The following KLKB1 variants were observed in gnomAD, a reference collection of about 807,000 sequenced individuals.
KLKB1 encodes kallikrein B1, also known as plasma kallikrein.
KLKB1 carries 58 observed loss-of-function variants against 73.6 expected under a neutral mutation model. The observed-to-expected ratio is 0.79, with a 90% confidence interval of 0.64 to 0.98. The LOEUF (loss-of-function observed/expected upper bound fraction) is 0.98, where lower values mean the gene tolerates loss of function less well. Among genes scored for constraint, KLKB1 ranks in the 50% least tolerant of loss-of-function variants. The pLI is 0.00. For synonymous variants in KLKB1, 280 were observed against 258.1 expected (o/e 1.08, Z -0.81); for missense variants, 737 against 763.8 (o/e 0.96, Z 0.41).
chr4:186,232,863 G>T, intron 3 of KLKB1, among the ~76,000 whole-genome samples: 1 of 152,126 alleles, frequency 6.6e-6, no homozygotes. Flanking sequence ...GTGCTTGTGT[G>T]AATATGTATT....
At position 186,238,275 on chromosome 4, in the gene KLKB1, T is replaced by C. The variant is rs770860434; in HGVS notation, c.508T>C (p.Tyr170His). ...ATTCAGGAACAATTGCCTATTAAAG[T>C]ACAGTCCCGGAGGAACACCTACCGC... Reference protein sequence around the residue: ...AEYRNNCLLKYSPGGTPTAIK... With the variant: ...AEYRNNCLLKHSPGGTPTAIK... The change falls in exon 6 of 15, where the codon TAC (tyrosine) becomes CAC (histidine). Residue 170 changes from tyrosine to histidine, a missense_variant. Transcript: ENST00000264690. 1.2e-6 allele frequency: 2 copies of C among 1,612,982 alleles called. No individual in the cohort carries two copies. The highest frequency in any genetic ancestry group is 2.2e-5 in the South Asian group (2 of 91,078).
chr4:186,232,706 A>G lies in KLKB1; in HGVS notation c.221+417A>G, dbSNP rs4253338. On this transcript the variant is annotated intron_variant, in intron 3 of 14. Transcript: ENST00000264690. ...TAGCACAGTCCAAAGAAAATAACAT[A>G]AGACAAGCATTTTGCTGAGAATGTA... 3.8e-3 allele frequency among the ~76,000 whole-genome samples: 579 copies of G among 152,296 alleles called. 3 individuals carry two copies. The highest frequency in any genetic ancestry group is 0.013 in the African/African-American group (550 of 41,556).
upstream of KLKB1, among the ~76,000 whole-genome samples, chr4:186,225,753 A>T (rs1737149132): frequency 6.6e-6 from 1 of 151,912 alleles, no homozygotes; most frequent in Non-Finnish European, 1.5e-5. Flanking sequence ...TTTATATTTA[A>T]TCTATTTGGA....
intron 2 of KLKB1, 29 bp from the exon 3 acceptor site, chr4:186,232,098 G>A (rs369438768): frequency 1.2e-5 from 19 of 1,562,844 alleles, no homozygotes; most frequent in Middle Eastern, 1.7e-4. Context: ...ATGAATTATC[G>A]CAAATTAATT....
chr4:186,251,460 A>G, intron 8 of KLKB1, 27 bp from the exon 9 acceptor site: 1 of 1,609,242 alleles, frequency 6.2e-7, no homozygotes, highest in Non-Finnish European at 8.5e-7. Flanking sequence ...CCCATCTGAT[A>G]TCTTTTTGTG....
intron 2 of KLKB1, among the ~76,000 whole-genome samples, chr4:186,218,807 TTA>T (rs1736967449): frequency 6.6e-6 from 1 of 152,062 alleles, no homozygotes; most frequent in Admixed American, 6.6e-5. Flanking sequence ...AAAGGGGAGT[TTA>T]TTAAAGAGTA....
At chr4:186,228,337 T>A (rs1737243144) in intron 2 of KLKB1, 84 bp downstream of exon 2, 1 of 830,058 alleles carries the variant, frequency 1.2e-6, no homozygotes, top group Non-Finnish European at 2.1e-6. Flanking sequence ...AGAAAGCTAT[T>A]GAACATACAG....
At chr4:186,250,460 G>T in intron 7 of KLKB1, 58 bp downstream of exon 7, 1 of 1,566,016 alleles carries the variant, frequency 6.4e-7, no homozygotes, top group Non-Finnish European at 8.8e-7. Flanking sequence ...AGCACTTGCT[G>T]CTGTACTTTC....
intron 1 of KLKB1, 106 bp from the exon 2 acceptor site, chr4:186,228,089 G>A (rs1422620665): frequency 8.2e-6 from 6 of 730,544 alleles, no homozygotes; most frequent in African/African-American, 3.5e-5. Context: ...TGTGTGCTTT[G>A]TCTTGCAATT....
At chr4:186,230,654 A>G (rs1464303347) in intron 2 of KLKB1, among the ~76,000 whole-genome samples, 1 of 152,200 alleles carries the variant, frequency 6.6e-6, no homozygotes, top group Non-Finnish European at 1.5e-5. Context: ...CCATTCAGCA[A>G]CAAAATTGGT....
chr4:186,227,534 C>T lies in KLKB1; in HGVS notation c.-55C>T, dbSNP rs956202179. On this transcript the variant is annotated 5_prime_UTR_variant, in exon 1 of 15. Coordinates refer to ENST00000264690, the MANE Select transcript of KLKB1 (RefSeq NM_000892.5). The stretch of plus-strand genomic sequence containing the variant: ...TGCCACATTAGAACAGCTTGAAGAC[C>T]GTTCATTTTTAAGTGACAAGAGACT... The T allele has an allele frequency of 6.6e-6, 1 of 152,216 alleles. No homozygotes were observed. The highest frequency in any genetic ancestry group is 2.4e-5 in the African/African-American group (1 of 41,522). 9.4% of individuals were successfully genotyped at this position (152,216 alleles called of 1,614,324 possible). A position where few individuals can be genotyped will look rare whatever the true frequency, so the allele number is the denominator to read the frequency against.
upstream of KLKB1, among the ~76,000 whole-genome samples, chr4:186,223,836 A>G (rs1280954233): frequency 5.9e-5 from 9 of 152,220 alleles, no homozygotes. Context: ...CAGGAGCTGA[A>G]TGTTAATTGC....
At chr4:186,214,187 G>C (rs1021214461) in intron 2 of KLKB1, among the ~76,000 whole-genome samples, 4 of 152,202 alleles carry the variant, frequency 2.6e-5, no homozygotes, top group African/African-American at 9.6e-5. Flanking sequence ...CAGCTGCTGG[G>C]TGATGAGAAG....
rs1348418149 is a variant in KLKB1, at chr4:186,251,519, G to A, written c.901G>A (p.Asp301Asn). ...PCHSKIYPGV[D>N]FGGEELNVTF... Reference sequence around the variant, plus strand: ...CCATTCTAAAATTTACCCGGGAGTTGACTTTGGAGGAGAAGAATTGAATGT... The same window carrying A: ...CCATTCTAAAATTTACCCGGGAGTTAACTTTGGAGGAGAAGAATTGAATGT... The change falls in exon 9 of 15, where the codon GAC becomes AAC. Residue 301 changes from aspartate to asparagine, a missense_variant. Asp to Asn is a conservative substitution (Grantham distance 23, BLOSUM62 1). Coordinates refer to ENST00000264690, the MANE Select transcript of KLKB1 (RefSeq NM_000892.5). 10 of 1,613,936 alleles carry A rather than the reference G, an allele frequency of 6.2e-6. No homozygotes were observed. Among genetic ancestry groups the A allele is most frequent in the Non-Finnish European group, 8.5e-6 (10 of 1,179,974 alleles).
chr4:186,254,977 G>A (rs189810032), intron 12 of KLKB1, among the ~76,000 whole-genome samples: 1 of 152,192 alleles, frequency 6.6e-6, no homozygotes, highest in African/African-American at 2.4e-5. Flanking sequence ...AATTCTTTCA[G>A]GGAGGGATAC....
At chr4:186,225,699 G>A (rs1737147076), upstream of KLKB1, among the ~76,000 whole-genome samples, 1 of 152,048 alleles carries the variant, frequency 6.6e-6, no homozygotes. Flanking sequence ...CTCCCAAAGT[G>A]CTGGGATTAC....
At chr4:186,241,153 C>T (rs1186524362) in intron 6 of KLKB1, among the ~76,000 whole-genome samples, 3 of 152,112 alleles carry the variant, frequency 2.0e-5, no homozygotes, top group African/African-American at 7.2e-5. Context: ...CAGGGAACAC[C>T]CAGTAGCCAC....
rs183948835 is a variant in KLKB1 at position 186,246,003 on chromosome 4, G to C, written c.599-4240G>C. 7.2e-5 allele frequency among the ~76,000 whole-genome samples: 11 copies of C among 151,766 alleles called. No individual in the cohort carries two copies. The East Asian group carries it at 1.9e-3, about 27-fold the overall frequency. ...AAAGAGCCTAAACGCTAACTGATTTGGGAGAGGTCGGATAAATAAAAAGGA... is the reference window on the plus strand; with the variant it reads ...AAAGAGCCTAAACGCTAACTGATTTCGGAGAGGTCGGATAAATAAAAAGGA... On this transcript the variant is annotated intron_variant, in intron 6 of 14. Transcript: ENST00000264690.
intron 3 of KLKB1, 50 bp from the exon 4 acceptor site, chr4:186,233,902 C>A: frequency 7.9e-7 from 1 of 1,266,348 alleles, no homozygotes; most frequent in South Asian, 1.2e-5. Flanking sequence ...GACATTTCCT[C>A]AATGTATGTT....
Sources: gnomAD v4.1 joint callset for allele counts (sites outside exome capture counted in the v4.1 genomes callset) on GRCh38, gnomAD v4.1.1 for gene constraint, MANE v1.5 for transcripts, NCBI Gene and HGNC (gene_info 2026-07-23, HGNC 2026-07-21) for gene names.